Variants in OR5V1 observed in about 807,000 individuals in gnomAD.
OR5V1 encodes olfactory receptor 5V1.
For synonymous variants in OR5V1, 134 were observed against 143.2 expected, an observed-to-expected ratio of 0.94 and a Z score of 0.46; for missense variants, 365 against 371.5, an observed-to-expected ratio of 0.98 and a Z score of 0.14.
chr6:29,355,322 A>G lies in OR5V1; in HGVS notation c.874T>C (p.Leu292=). Residue 292 remains leucine, a synonymous_variant, in exon 2 of 2, where the codon TTG becomes CTG. Transcript: ENST00000641768. ...GCTTCTTTGATGTCCTTATTCCTCA[A>G]TGTGTAAATTATAGGGTTTAGCATG... The part of the protein sequence containing the change: ...TPMLNPIIYT[L]RNKDIKEAVK... 5.0e-6 allele frequency: 8 copies of G among 1,613,912 alleles called. No individual in the cohort carries two copies. Among genetic ancestry groups the G allele is most frequent in the Non-Finnish European group, 6.8e-6 (8 of 1,179,854 alleles).
chr6:29,361,953 GGGC>G (rs55787538), intron 1 of OR5V1, among the ~76,000 whole-genome samples: 145,528 of 152,176 alleles, frequency 0.96, 69,646 homozygotes, highest in East Asian at 1. Flanking sequence ...AAATGTAAAT[GGGC>G]GGCTGAATGT....
chr6:29,366,546 GA>G (rs1391965000), intron 1 of OR5V1, among the ~76,000 whole-genome samples: 3 of 152,010 alleles, frequency 2.0e-5, no homozygotes, highest in Non-Finnish European at 2.9e-5. Context: ...TGTGAAGTAG[GA>G]AAAAAGAGAA....
intron 1 of OR5V1, among the ~76,000 whole-genome samples, chr6:29,367,724 C>T (rs1016834186): frequency 6.6e-6 from 1 of 152,112 alleles, no homozygotes; most frequent in African/African-American, 2.4e-5. Flanking sequence ...GCAGCTGGTA[C>T]TCAAATTGTG....
At position 29,365,616 on chromosome 6, in the gene OR5V1, G is replaced by A. The variant is rs148154478; in HGVS notation, c.-83+3016C>T. 8.5e-3 allele frequency among the ~76,000 whole-genome samples: 1,301 copies of A among 152,170 alleles called. 13 individuals carry two copies. The highest frequency in any genetic ancestry group is 0.028 in the African/African-American group (1,179 of 41,516). On this transcript the variant is annotated intron_variant, in intron 1 of 1. Coordinates refer to ENST00000641768, the MANE Select transcript of OR5V1 (RefSeq NM_030876.6). The stretch of plus-strand genomic sequence containing the variant: ...AAACCACAATAAGATACCATCTCAC[G>A]CCAGTTTGAATGGAAATCATTAAAA...
At chr6:29,367,156 C>T (rs1778894306) in intron 1 of OR5V1, among the ~76,000 whole-genome samples, 1 of 152,114 alleles carries the variant, frequency 6.6e-6, no homozygotes. Flanking sequence ...ATCCACTCAG[C>T]CTGTATGTTT....
intron 1 of OR5V1, among the ~76,000 whole-genome samples, chr6:29,362,166 C>T (rs1049659846): frequency 3.3e-5 from 5 of 152,014 alleles, no homozygotes; most frequent in South Asian, 4.2e-4. Flanking sequence ...GAATTTAAAC[C>T]GACAGAGATC....
chr6:29,365,378 T>A (rs1285654224), intron 1 of OR5V1, among the ~76,000 whole-genome samples: 4 of 143,550 alleles, frequency 2.8e-5, no homozygotes, highest in South Asian at 2.2e-4. Context: ...ACCTACAGAA[T>A]GGGAGAAAAT....
intron 1 of OR5V1, among the ~76,000 whole-genome samples, chr6:29,365,137 C>T (rs1370924269): frequency 6.6e-6 from 1 of 152,020 alleles, no homozygotes; most frequent in East Asian, 1.9e-4. Flanking sequence ...ACACCTTATA[C>T]AAAAATTAAC....
chr6:29,358,061 A>G (rs1778399448), intron 1 of OR5V1, among the ~76,000 whole-genome samples: 1 of 152,152 alleles, frequency 6.6e-6, no homozygotes, highest in African/African-American at 2.4e-5. Context: ...TTCCTCGTGA[A>G]CTACTGTGGA....
rs1277191236 is a variant in OR5V1 at position 29,354,965 on chromosome 6, A to G, written c.*265T>C. ...ATTTTCAAGTGATGAAGTCCATTAA[A>G]CAAATATCTCATGAAAGAGGGAAAC... On this transcript the variant is annotated 3_prime_UTR_variant, in exon 2 of 2. Coordinates refer to ENST00000641768, the MANE Select transcript of OR5V1 (RefSeq NM_030876.6). The G allele has an allele frequency of 5.7e-6, 2 of 350,154 alleles. No individual in the cohort carries two copies. The highest frequency in any genetic ancestry group is 5.1e-6 in the Non-Finnish European group (1 of 197,118). The allele number at this position is 350,154 out of a possible 1,614,324, so 21.7% of individuals were successfully genotyped here.
intron 1 of OR5V1, among the ~76,000 whole-genome samples, chr6:29,356,878 TA>T (rs910663823): frequency 3.9e-5 from 6 of 152,174 alleles, no homozygotes; most frequent in Admixed American, 1.3e-4. Context: ...TCCGTGGCAA[TA>T]CATTTTATGC....
chr6:29,356,993 AT>A (rs1778345860), intron 1 of OR5V1, among the ~76,000 whole-genome samples: 1 of 151,988 alleles, frequency 6.6e-6, no homozygotes, highest in African/African-American at 2.4e-5. Flanking sequence ...TTATTTGTTC[AT>A]TTTTGATATG....
intron 1 of OR5V1, among the ~76,000 whole-genome samples, chr6:29,366,700 T>A (rs1255584359): frequency 6.6e-6 from 1 of 152,206 alleles, no homozygotes; most frequent in African/African-American, 2.4e-5. Flanking sequence ...TTAAAAGAAC[T>A]GTTTGTGAAA....
chr6:29,364,416 A>AT (rs1156285797), intron 1 of OR5V1, among the ~76,000 whole-genome samples: 1 of 150,096 alleles, frequency 6.7e-6, no homozygotes, highest in Non-Finnish European at 1.5e-5. Flanking sequence ...GCTACCATTG[A>AT]TTTTCTTCTC....
Position 29,353,839 on chromosome 6 carries a change from G to C in OR5V1, c.*1391C>G, listed in dbSNP as rs1271937497. ...AAGTAGGTAGTACTTAGATTTTATA[G>C]ACAGTGGTTACAAATATATTTAGTT... On this transcript the variant is annotated 3_prime_UTR_variant, in exon 2 of 2. Transcript: ENST00000641768. 1.3e-5 allele frequency: 2 copies of C among 152,042 alleles called. No homozygotes were observed. Among genetic ancestry groups the C allele is most frequent in the Non-Finnish European group, 2.9e-5 (2 of 67,936 alleles). 9.4% of individuals were successfully genotyped at this position (152,042 alleles called of 1,614,324 possible).
In OR5V1 at chr6:29,355,822, G is replaced by A. The variant is rs571143775; in HGVS notation, c.374C>T (p.Ala125Val). ...LAAMAYDRYI[A>V]ICNPLRYSVI... ...TGAATACCTTAAAGGATTGCAGATT[G>A]CAATGTAACGATCATATGCCATTGC... Residue 125 changes from alanine to valine, a missense_variant, in exon 2 of 2, where the codon GCA becomes GTA. Ala to Val is a moderately conservative substitution (Grantham distance 64, BLOSUM62 0). Coordinates refer to ENST00000641768, the MANE Select transcript of OR5V1 (RefSeq NM_030876.6). 12 of 1,614,054 alleles carry A rather than the reference G, an allele frequency of 7.4e-6. No individual in the cohort carries two copies. The African/African-American group carries it at 1.1e-4, about 14-fold the overall frequency.
intron 1 of OR5V1, among the ~76,000 whole-genome samples, chr6:29,359,218 C>T (rs190691064): frequency 6.6e-6 from 1 of 152,090 alleles, no homozygotes; most frequent in African/African-American, 2.4e-5. Context: ...CATAACCATT[C>T]AACAATCATT....
At chr6:29,359,882 T>C (rs188899448) in intron 1 of OR5V1, among the ~76,000 whole-genome samples, 63 of 151,660 alleles carry the variant, frequency 4.2e-4, no homozygotes, top group Middle Eastern at 3.4e-3. Flanking sequence ...GCTGCAGGAG[T>C]TTTTTTCATA....
At position 29,355,472 on chromosome 6, in the gene OR5V1, C is replaced by A; in HGVS notation, c.724G>T (p.Ala242Ser). 3.7e-6 allele frequency: 6 copies of A among 1,613,972 alleles called. No homozygotes were observed. The highest frequency in any genetic ancestry group is 5.1e-6 in the Non-Finnish European group (6 of 1,179,918). ...AGAAAGACAATGGCCAGGTGGGAGG[C>A]ACATGTAGAGAAGGCTTTTCGTCTT... ...EGRRKAFSTCASHLAIVFLFY... is the reference protein window; with the variant it reads ...EGRRKAFSTCSSHLAIVFLFY... The change falls in exon 2 of 2, where the codon GCC becomes TCC. Residue 242 changes from alanine to serine, a missense_variant. Physicochemically the swap from Ala to Ser is moderately conservative, Grantham distance 99 (BLOSUM62 1). Transcript: ENST00000641768.
Sources: gnomAD v4.1 joint callset for allele counts (sites outside exome capture counted in the v4.1 genomes callset) on GRCh38, gnomAD v4.1.1 for gene constraint, MANE v1.5 for transcripts, NCBI Gene and HGNC (gene_info 2026-07-23, HGNC 2026-07-21) for gene names.